The following NEXN variants were observed in gnomAD, a reference collection of about 807,000 sequenced individuals.
The protein encoded by NEXN is nexilin F-actin binding protein, also known as nexilin.
Under a neutral mutation model 92.6 loss-of-function variants are expected in NEXN, and 65 were observed. That is an observed-to-expected ratio of 0.70 (90% CI 0.57 to 0.86). NEXN has a LOEUF of 0.86. Ranked by LOEUF, NEXN falls within the 40% of genes least tolerant of loss-of-function variation. The probability of loss-of-function intolerance (pLI) is 0.00; values close to 1 mark genes in which losing one functional copy is unlikely to be tolerated. For missense variants in NEXN, 778 were observed against 771.1 expected, an observed-to-expected ratio of 1.01 and a Z score of -0.11; for synonymous variants, 254 against 242.5, an observed-to-expected ratio of 1.05 and a Z score of -0.44.
At chr1:77,910,140 A>C (rs1455340154) in intron 1 of NEXN, among the ~76,000 whole-genome samples, 1 of 152,240 alleles carries the variant, frequency 6.6e-6, no homozygotes, top group Non-Finnish European at 1.5e-5. Context: ...ATTAGATAAA[A>C]TCCAACATCT....
chr1:77,904,091 C>G (rs554429523), intron 1 of NEXN, among the ~76,000 whole-genome samples: 10 of 152,230 alleles, frequency 6.6e-5, no homozygotes, highest in African/African-American at 2.2e-4. Flanking sequence ...CTCCCAGGTT[C>G]AAGGGATTCT....
chr1:77,892,293 C>T (rs946209050), intron 1 of NEXN, among the ~76,000 whole-genome samples: 1 of 152,078 alleles, frequency 6.6e-6, no homozygotes, highest in African/African-American at 2.4e-5. Context: ...TGAAGTCTGT[C>T]TGGGTTTTTA....
At chr1:77,890,740 T>C (rs1392617648) in intron 1 of NEXN, among the ~76,000 whole-genome samples, 4 of 151,832 alleles carry the variant, frequency 2.6e-5, no homozygotes, top group Admixed American at 6.6e-5. Flanking sequence ...TGAAATACCC[T>C]AAAAGACAAA....
chr1:77,915,151 A>T (rs1312317301), intron 1 of NEXN, among the ~76,000 whole-genome samples: 24 of 151,704 alleles, frequency 1.6e-4, no homozygotes, highest in Admixed American at 1.6e-3. Context: ...CCATTTCTAT[A>T]GAGAAAAAAA....
At chr1:77,897,815 C>T (rs1355992164) in intron 1 of NEXN, among the ~76,000 whole-genome samples, 1 of 152,164 alleles carries the variant, frequency 6.6e-6, no homozygotes, top group Non-Finnish European at 1.5e-5. Context: ...AGCAAAGTCT[C>T]AGGATACAAA....
Position 77,917,971 on chromosome 1 carries a change from G to C in NEXN, c.231G>C (p.Met77Ile). Residue 77 changes from methionine to isoleucine, a missense_variant, in exon 4 of 13, where the codon ATG (methionine) becomes ATC (isoleucine). Met to Ile is a conservative substitution (Grantham distance 10). This residue lies in a region of NEXN where 236 missense variants were observed against 265.6 expected (regional missense o/e 0.89). Coordinates refer to ENST00000334785, the MANE Select transcript of NEXN (RefSeq NM_144573.4). ...WNRRKQEIKE[M>I]LASDDEEDVS... Reference sequence around the variant, plus strand: ...ATTTAACCATCTAGATTAAAGAAATGCTTGCTTCTGATGATGAGGAAGATG... The same window carrying C: ...ATTTAACCATCTAGATTAAAGAAATCCTTGCTTCTGATGATGAGGAAGATG... 1 of 1,612,408 alleles carries C rather than the reference G, an allele frequency of 6.2e-7. No homozygotes were observed. The highest frequency in any genetic ancestry group is 1.1e-5 in the South Asian group (1 of 91,014).
chr1:77,937,874 G>T (rs141711473), intron 11 of NEXN, among the ~76,000 whole-genome samples: 1 of 152,252 alleles, frequency 6.6e-6, no homozygotes, highest in African/African-American at 2.4e-5. Context: ...ACAAACAAAA[G>T]CTATTAAGAT....
rs559226754 is a variant in NEXN, at chr1:77,895,029, ATTTTTTTTTTTTT to A, written c.-53+6291_-53+6303del. On this transcript the variant is annotated intron_variant, in intron 1 of 12. Transcript: ENST00000334785. ...CCATCCATGGCCAGCCTATAGTGTA[ATTTTTTTTTTTTT>A]TTTTTTTTTTTTTTTTTTTTGAGAT... 9.2e-4 allele frequency among the ~76,000 whole-genome samples: 57 copies of A among 61,666 alleles called. No homozygotes were observed. In the East Asian group the frequency reaches 0.01, roughly 11 times the overall value. 40.5% of individuals were successfully genotyped at this position (61,666 alleles called of 152,430 possible).
At chr1:77,937,085 G>A (rs984955468) in intron 11 of NEXN, among the ~76,000 whole-genome samples, 6 of 138,136 alleles carry the variant, frequency 4.3e-5, no homozygotes, top group Non-Finnish European at 9.2e-5. Flanking sequence ...CGAGGTGGGT[G>A]GGTCACTTGA....
rs1651491492 is a variant in NEXN, at chr1:77,942,760, G to A, written c.1959G>A (p.Met653Ile). Residue 653 changes from methionine (M) to isoleucine (I), a missense_variant, in exon 13 of 13, where the codon ATG becomes ATA. This residue lies in a region of NEXN where 532 missense variants were observed against 476.7 expected (regional missense o/e 1.12). Transcript: ENST00000334785. Reference protein sequence around the residue: ...ETFPEDGGEYMCKAVNNKGSA... With the variant: ...ETFPEDGGEYICKAVNNKGSA... ...TCCCAGAAGATGGAGGAGAGTATAT[G>A]TGTAAAGCAGTCAACAATAAAGGAT... 2 of 1,613,362 alleles carry A rather than the reference G, an allele frequency of 1.2e-6. No individual in the cohort carries two copies. Among genetic ancestry groups the A allele is most frequent in the Admixed American group, 1.7e-5 (1 of 59,914 alleles).
At chr1:77,903,457 T>G (rs1258717780) in intron 1 of NEXN, among the ~76,000 whole-genome samples, 1 of 152,152 alleles carries the variant, frequency 6.6e-6, no homozygotes, top group African/African-American at 2.4e-5. Context: ...ATTGAATAAT[T>G]TGAAAATGTT....
rs755062153 is a variant in NEXN at position 77,926,536 on chromosome 1, C to T, written c.612C>T (p.Tyr204=). 18 of 1,613,348 alleles carry T rather than the reference C, an allele frequency of 1.1e-5. No individual in the cohort carries two copies. Among genetic ancestry groups the T allele is most frequent in the African/African-American group, 8.0e-5 (6 of 74,814 alleles). ...KEREEKERIK[Y]EEDKRIRYEE... is the part of the protein sequence containing the mutation. ...GTGAAGAGAAAGAAAGGATCAAGTA[C>T]GAGGAAGATAAAAGAATAAGATATG... The change falls in exon 7 of 13, where the codon TAC becomes TAT. Residue 204 remains tyrosine, a synonymous_variant. Transcript: ENST00000334785.
intron 5 of NEXN, among the ~76,000 whole-genome samples, chr1:77,923,107 C>T (rs1240830729): frequency 6.7e-6 from 1 of 149,564 alleles, no homozygotes; most frequent in Non-Finnish European, 1.5e-5. Flanking sequence ...GATCCTCCCA[C>T]CTCAGCCTCC....
chr1:77,911,632 T>C (rs922920673), intron 1 of NEXN, among the ~76,000 whole-genome samples: 2 of 152,088 alleles, frequency 1.3e-5, no homozygotes, highest in African/African-American at 4.8e-5. Context: ...GCAAAAGTTA[T>C]TTAAAATATT....
At chr1:77,940,961 A>T (rs1651254173) in intron 11 of NEXN, among the ~76,000 whole-genome samples, 1 of 152,218 alleles carries the variant, frequency 6.6e-6, no homozygotes, top group Non-Finnish European at 1.5e-5. Context: ...TAAAAAATCT[A>T]ATGCAGAACC....
At chr1:77,926,661 G>A (rs775245848) in intron 7 of NEXN, 50 bp downstream of exon 7, 1 of 1,613,826 alleles carries the variant, frequency 6.2e-7, no homozygotes, top group East Asian at 2.2e-5. Context: ...GGCAGTTTAA[G>A]TTAGCAGCAT....
intron 1 of NEXN, among the ~76,000 whole-genome samples, chr1:77,911,758 TATAC>T (rs1648599762): frequency 8.5e-6 from 1 of 117,054 alleles, no homozygotes; most frequent in Admixed American, 8.6e-5. Context: ...TATATATATA[TATAC>T]ACATATATTC....
chr1:77,895,955 C>G (rs1647230169), intron 1 of NEXN, among the ~76,000 whole-genome samples: 1 of 151,908 alleles, frequency 6.6e-6, no homozygotes, highest in African/African-American at 2.4e-5. Context: ...GTGAGCAGAT[C>G]ACTTGAGGTC....
At position 77,940,809 on chromosome 1, in the gene NEXN, T is replaced by A. The variant is rs569244828; in HGVS notation, c.1474-1214T>A. ...TAGTCTTTTATGTATAATAATTTTTTAAAAAATGCTGTTCATTCATTCATT... is the reference window on the plus strand; with the variant it reads ...TAGTCTTTTATGTATAATAATTTTTAAAAAAATGCTGTTCATTCATTCATT... On this transcript the variant is annotated intron_variant, in intron 11 of 12. Transcript: ENST00000334785. Among the ~76,000 whole-genome samples the A allele has an allele frequency of 1.5e-3, 232 of 152,124 alleles. 1 individual carries two copies. Among genetic ancestry groups the A allele is most frequent in the African/African-American group, 5.4e-3 (224 of 41,368 alleles).
Sources: allele counts gnomAD v4.1 joint callset (sites outside exome capture counted in the v4.1 genomes callset), GRCh38; gene constraint gnomAD v4.1.1; regional missense constraint gnomAD v4.1.1; transcripts MANE v1.5; gene names NCBI Gene and HGNC (gene_info 2026-07-23, HGNC 2026-07-21).